GRIK1: variants seen among roughly 807,000 people sequenced by gnomAD.
The protein encoded by GRIK1 is glutamate receptor ionotropic, kainate 1.
Under a neutral mutation model 105.7 loss-of-function variants are expected in GRIK1, and 69 were observed. The ratio of observed to expected loss-of-function variants is 0.65; its 90% CI spans 0.54 to 0.80. The LOEUF is 0.80. Ranked by LOEUF, GRIK1 falls within the 30% of genes least tolerant of loss-of-function variation. The probability of loss-of-function intolerance (pLI) is 0.00; values close to 1 mark genes in which losing one functional copy is unlikely to be tolerated. For synonymous variants in GRIK1, 438 were observed against 431.3 expected, an observed-to-expected ratio of 1.02 and a Z score of -0.19; for missense variants, 1,109 against 1,167.3, an observed-to-expected ratio of 0.95 and a Z score of 0.73.
intron 1 of GRIK1, among the ~76,000 whole-genome samples, chr21:29,710,707 T>C (rs916666422): frequency 1.3e-5 from 2 of 152,120 alleles, no homozygotes; most frequent in Non-Finnish European, 2.9e-5. Flanking sequence ...ATTTAAATTG[T>C]TATGCTACCA....
intron 2 of GRIK1, among the ~76,000 whole-genome samples, chr21:29,692,293 G>A (rs948395715): frequency 2.0e-5 from 3 of 152,156 alleles, no homozygotes; most frequent in African/African-American, 7.2e-5. Flanking sequence ...TACAGTATTT[G>A]CTCCACAATG....
rs757944128 is a variant in GRIK1, at chr21:29,576,996, C to A, written c.2098G>T (p.Val700Phe). Reference protein sequence around the residue: ...AKQTKIEYGAVRDGSTMTFFK... With the variant: ...AKQTKIEYGAFRDGSTMTFFK... ...AAGGTCATTGTTGATCCATCTCTAA[C>A]CGCCCCATATTCTATCTTGGTTTGC... Residue 700 changes from valine (V) to phenylalanine (F), a missense_variant, in exon 14 of 18, where the codon GTT becomes TTT. Val to Phe is a conservative substitution (Grantham distance 50, BLOSUM62 -1). Coordinates refer to ENST00000327783, the MANE Select transcript of GRIK1 (RefSeq NM_001330994.2). 22 of 1,612,124 alleles carry A rather than the reference C, an allele frequency of 1.4e-5. No individual in the cohort carries two copies. The Admixed American group carries it at 2.7e-4, about 20-fold the overall frequency.
chr21:29,855,932 T>C (rs1396714995), intron 1 of GRIK1, among the ~76,000 whole-genome samples: 13 of 152,144 alleles, frequency 8.5e-5, no homozygotes, highest in Non-Finnish European at 1.8e-4. Flanking sequence ...CTGGGTGGTT[T>C]GAGGAATGTT....
intron 1 of GRIK1, among the ~76,000 whole-genome samples, chr21:29,912,829 G>A (rs1293392605): frequency 6.6e-6 from 1 of 151,900 alleles, no homozygotes; most frequent in Non-Finnish European, 1.5e-5. Context: ...GTTCATTCCC[G>A]AAGGTTTTAT....
intron 14 of GRIK1, among the ~76,000 whole-genome samples, chr21:29,567,609 CACAA>C (rs1342408376): frequency 5.3e-5 from 8 of 151,994 alleles, no homozygotes; most frequent in Non-Finnish European, 5.9e-5. Context: ...AATGAAATAT[CACAA>C]ACAATTATAT....
chr21:29,702,910 T>C (rs937948994), intron 1 of GRIK1, among the ~76,000 whole-genome samples: 3 of 152,138 alleles, frequency 2.0e-5, no homozygotes, highest in African/African-American at 7.2e-5. Context: ...AGTAAACTTC[T>C]GTCGTTTTAA....
intron 1 of GRIK1, among the ~76,000 whole-genome samples, chr21:29,812,644 T>TA (rs2145896028): frequency 6.6e-6 from 1 of 152,254 alleles, no homozygotes; most frequent in African/African-American, 2.4e-5. Context: ...TCTTAGGAGA[T>TA]ATAACAACTA....
At chr21:29,596,480 C>T in intron 9 of GRIK1, 46 bp downstream of exon 9, 1 of 1,311,246 alleles carries the variant, frequency 7.6e-7, no homozygotes, top group Non-Finnish European at 1.1e-6. Flanking sequence ...AATGACATTC[C>T]CCATCCCACC....
chr21:29,915,534 G>T (rs1270709980), intron 1 of GRIK1, among the ~76,000 whole-genome samples: 8 of 151,966 alleles, frequency 5.3e-5, no homozygotes, highest in Non-Finnish European at 8.8e-5. Flanking sequence ...CTCACAGGAA[G>T]GGAACAATTT....
At chr21:29,813,871 G>A (rs1024633484) in intron 1 of GRIK1, among the ~76,000 whole-genome samples, 8 of 149,658 alleles carry the variant, frequency 5.3e-5, no homozygotes, top group Admixed American at 2.7e-4. Context: ...CATCCACTAC[G>A]TACTAAACAC....
At chr21:29,720,257 T>C (rs1402905445) in intron 1 of GRIK1, among the ~76,000 whole-genome samples, 1 of 152,250 alleles carries the variant, frequency 6.6e-6, no homozygotes, top group African/African-American at 2.4e-5. Flanking sequence ...CCACTGTCTT[T>C]ATAAAATATG....
intron 1 of GRIK1, among the ~76,000 whole-genome samples, chr21:29,895,219 A>G (rs1459291505): frequency 6.6e-6 from 1 of 152,174 alleles, no homozygotes; most frequent in Non-Finnish European, 1.5e-5. Flanking sequence ...TGATGGTAAC[A>G]TTCACTGGGA....
intron 1 of GRIK1, among the ~76,000 whole-genome samples, chr21:29,780,086 T>A (rs1170903029): frequency 2.0e-5 from 3 of 152,298 alleles, no homozygotes; most frequent in South Asian, 2.1e-4. Context: ...ATTATACCTA[T>A]CTCATAAATA....
intron 7 of GRIK1, among the ~76,000 whole-genome samples, chr21:29,618,258 C>G (rs1386209487): frequency 6.6e-6 from 1 of 151,448 alleles, no homozygotes; most frequent in African/African-American, 2.4e-5. Flanking sequence ...TTTTGATTCA[C>G]TGAGGGCAGG....
At chr21:29,865,850 T>C (rs1264276816) in intron 1 of GRIK1, among the ~76,000 whole-genome samples, 1 of 152,170 alleles carries the variant, frequency 6.6e-6, no homozygotes, top group East Asian at 1.9e-4. Flanking sequence ...CCCCCAAATG[T>C]GCAAATATGT....
chr21:29,799,774 C>G (rs955249680), intron 1 of GRIK1, among the ~76,000 whole-genome samples: 4 of 152,174 alleles, frequency 2.6e-5, no homozygotes, highest in African/African-American at 7.2e-5. Context: ...AAGTGATCCA[C>G]CTGCCTTAGC....
At chr21:29,587,990 T>TTTTTTTTTTTTTG (rs1491321446) in intron 11 of GRIK1, among the ~76,000 whole-genome samples, 3 of 131,220 alleles carry the variant, frequency 2.3e-5, no homozygotes, top group African/African-American at 9.5e-5. Context: ...TTTTTTTTTT[T>TTTTTTTTTTTTTG]GTGAGGCGGA....
intron 1 of GRIK1, among the ~76,000 whole-genome samples, chr21:29,929,212 A>C (rs1476369980): frequency 6.6e-6 from 1 of 152,174 alleles, no homozygotes; most frequent in Non-Finnish European, 1.5e-5. Flanking sequence ...GTTATGTGAC[A>C]TGGCCAAGCT....
intron 1 of GRIK1, among the ~76,000 whole-genome samples, chr21:29,913,336 GAC>G (rs1439386799): frequency 6.6e-6 from 1 of 152,048 alleles, no homozygotes; most frequent in Non-Finnish European, 1.5e-5. Context: ...TAAAGCACTT[GAC>G]ACATGTTAAA....
Sources: allele counts gnomAD v4.1 joint callset (sites outside exome capture counted in the v4.1 genomes callset), GRCh38; gene constraint gnomAD v4.1.1; transcripts MANE v1.5; gene names NCBI Gene and HGNC (gene_info 2026-07-23, HGNC 2026-07-21).